The following DNAH11 variants were observed in gnomAD, a reference collection of about 807,000 sequenced individuals.
The protein encoded by DNAH11 is axonemal beta dynein heavy chain 11.
In DNAH11, 442 loss-of-function variants were observed where a neutral mutation model predicts 526.0. That is an observed-to-expected ratio of 0.84 (90% CI 0.78 to 0.91). The LOEUF (loss-of-function observed/expected upper bound fraction) is 0.91, where lower values mean the gene tolerates loss of function less well. Ranked by LOEUF, DNAH11 falls within the 40% of genes least tolerant of loss-of-function variation. The pLI, the probability that DNAH11 is intolerant of heterozygous loss-of-function variation, is 0.00. For missense variants in DNAH11, 6,989 were observed against 5,448.7 expected, an observed-to-expected ratio of 1.28 and a Z score of -8.90; for synonymous variants, 2,461 against 1,935.9, an observed-to-expected ratio of 1.27 and a Z score of -7.12.
Position 21,831,042 on chromosome 7 carries a change from C to T in DNAH11, c.10692-11502C>T, listed in dbSNP as rs117362494. On this transcript the variant is annotated intron_variant, in intron 65 of 81. Transcript: ENST00000409508. ...CGTGCCAGATTTGGAGATTCACACCCACTTGACTCTCCGTGTGATGCAGTG... is the reference window on the plus strand; with the variant it reads ...CGTGCCAGATTTGGAGATTCACACCTACTTGACTCTCCGTGTGATGCAGTG... Among the ~76,000 whole-genome samples, 1,088 of 152,286 alleles carry T rather than the reference C, an allele frequency of 7.1e-3. 13 individuals carry two copies. Among genetic ancestry groups the T allele is most frequent in the Non-Finnish European group, 8.1e-3 (552 of 68,036 alleles).
rs755442579 is a variant in DNAH11 at position 21,601,505 on chromosome 7, G to GT, written c.3536dup (p.Arg1180LysfsTer8). Reference sequence around the variant, plus strand: ...TGACATCATGGTGCATCTTCTGGCTGTAAGAAGCCGACAGAGAGCTACTGA... The same window carrying GT: ...TGACATCATGGTGCATCTTCTGGCTGTTAAGAAGCCGACAGAGAGCTACTGA... On this transcript the variant is annotated frameshift_variant, in exon 18 of 82. Transcript: ENST00000409508. LOFTEE classifies it high-confidence loss of function. 1 of 1,613,776 alleles carries GT rather than the reference G, an allele frequency of 6.2e-7. No individual in the cohort carries two copies. Among genetic ancestry groups the GT allele is most frequent in the East Asian group, 2.2e-5 (1 of 44,872 alleles).
At chr7:21,860,770 G>A (rs1307600579) in intron 68 of DNAH11, among the ~76,000 whole-genome samples, 1 of 152,178 alleles carries the variant, frequency 6.6e-6, no homozygotes, top group Non-Finnish European at 1.5e-5. Context: ...AAGAGACTGG[G>A]TGATTTATAA....
Position 21,619,205 on chromosome 7 carries a change from G to T in DNAH11, c.4360G>T (p.Glu1454Ter). The stretch of plus-strand genomic sequence containing the variant: ...AAGGATTGTGGACAAGGCGGTGAAA[G>T]AGCTGGGGACTGAGAAGGTAGTGTC... The part of the protein sequence containing the change: ...VRRIVDKAVK[E>*]LGTEKVITEI... The change falls in exon 24 of 82, where the codon GAG (glutamate) becomes TAG (stop). Residue 1454 changes from glutamate (E) to a stop codon, truncating the protein, a stop_gained. Coordinates refer to ENST00000409508, the MANE Select transcript of DNAH11 (RefSeq NM_001277115.2). LOFTEE classifies it high-confidence loss of function. The T allele has an allele frequency of 6.2e-7, 1 of 1,613,162 alleles. No homozygotes were observed.
intron 29 of DNAH11, 109 bp from the exon 30 acceptor site, chr7:21,658,689 T>C: frequency 1.2e-6 from 1 of 822,258 alleles, no homozygotes; most frequent in Non-Finnish European, 1.8e-6. Flanking sequence ...GGGTTTAAAA[T>C]GAATCCACCT....
At chr7:21,706,872 A>C (rs1353526362) in intron 39 of DNAH11, among the ~76,000 whole-genome samples, 1 of 152,166 alleles carries the variant, frequency 6.6e-6, no homozygotes, top group Non-Finnish European at 1.5e-5. Context: ...CAAAAGGGAG[A>C]GTTAGGGCAG....
At chr7:21,707,402 A>G (rs940591654) in intron 39 of DNAH11, among the ~76,000 whole-genome samples, 1 of 152,256 alleles carries the variant, frequency 6.6e-6, no homozygotes, top group Admixed American at 6.5e-5. Context: ...TTATTTATGT[A>G]TGGTCCTCCA....
rs537882955 is a variant in DNAH11 at position 21,627,537 on chromosome 7, C to T, written c.4500+7459C>T. On this transcript the variant is annotated intron_variant, in intron 25 of 81. Coordinates refer to ENST00000409508, the MANE Select transcript of DNAH11 (RefSeq NM_001277115.2). Reference sequence around the variant, plus strand: ...CAGTACCATTTATTGAAAAGACTGTCCTTTCCCCATTGTATGTTCTTGGCA... The same window carrying T: ...CAGTACCATTTATTGAAAAGACTGTTCTTTCCCCATTGTATGTTCTTGGCA... Among the ~76,000 whole-genome samples the T allele has an allele frequency of 3.2e-4, 48 of 152,236 alleles. 1 individual carries two copies. The South Asian group carries it at 9.6e-3, about 30-fold the overall frequency.
intron 14 of DNAH11, among the ~76,000 whole-genome samples, chr7:21,592,065 A>C (rs73070433): frequency 0.17 from 26,441 of 151,758 alleles, 2,328 homozygotes; most frequent in East Asian, 0.33. Flanking sequence ...ACAGAAAAAA[A>C]ACACACACAC....
At chr7:21,607,123 G>A (rs1397585414) in intron 20 of DNAH11, among the ~76,000 whole-genome samples, 2 of 152,214 alleles carry the variant, frequency 1.3e-5, no homozygotes, top group African/African-American at 2.4e-5. Context: ...TTGCGGCCTT[G>A]AGTCTGTGGC....
rs540545379 is a variant in DNAH11, at chr7:21,578,688, A to G, written c.1594-3217A>G. ...CATGAGAGCTGTGCTCCTGCAACTGACTTCTGCCTAGACATCCAGGTGTTT... is the reference window on the plus strand; with the variant it reads ...CATGAGAGCTGTGCTCCTGCAACTGGCTTCTGCCTAGACATCCAGGTGTTT... On this transcript the variant is annotated intron_variant, in intron 8 of 81. Coordinates refer to ENST00000409508, the MANE Select transcript of DNAH11 (RefSeq NM_001277115.2). Among the ~76,000 whole-genome samples the G allele has an allele frequency of 4.6e-5, 7 of 152,234 alleles. No homozygotes were observed. The South Asian group carries it at 6.2e-4, about 14-fold the overall frequency.
intron 2 of DNAH11, among the ~76,000 whole-genome samples, chr7:21,552,913 A>C (rs942210490): frequency 1.3e-5 from 2 of 151,946 alleles, no homozygotes; most frequent in African/African-American, 4.8e-5. Context: ...GTTGATACAT[A>C]CCCCTTAGAT....
chr7:21,840,163 T>A (rs994130793), intron 65 of DNAH11, among the ~76,000 whole-genome samples: 3 of 152,136 alleles, frequency 2.0e-5, no homozygotes, highest in Non-Finnish European at 4.4e-5. Context: ...TGGATATCAC[T>A]CCTCAAATTA....
At chr7:21,832,460 A>G (rs187109188) in intron 65 of DNAH11, among the ~76,000 whole-genome samples, 1 of 152,136 alleles carries the variant, frequency 6.6e-6, no homozygotes, top group Non-Finnish European at 1.5e-5. Flanking sequence ...TGCTTGGTAA[A>G]TATTCCTCCA....
Position 21,574,409 on chromosome 7 carries a change from A to G in DNAH11, c.1593+2436A>G, listed in dbSNP as rs968325765. On this transcript the variant is annotated intron_variant, in intron 8 of 81. Transcript: ENST00000409508. Reference sequence around the variant, plus strand: ...ATTATATACCTGCTTAATTTTCACTATAACCCAGAGAGTGGTCCCGCAGGC... The same window carrying G: ...ATTATATACCTGCTTAATTTTCACTGTAACCCAGAGAGTGGTCCCGCAGGC... Among the ~76,000 whole-genome samples, 20 of 152,236 alleles carry G rather than the reference A, an allele frequency of 1.3e-4. No individual in the cohort carries two copies. The East Asian group carries it at 3.5e-3, about 26-fold the overall frequency.
At chr7:21,770,491 T>C (rs923036580) in intron 55 of DNAH11, among the ~76,000 whole-genome samples, 8 of 152,192 alleles carry the variant, frequency 5.3e-5, no homozygotes, top group Non-Finnish European at 1.2e-4. Context: ...AGATTAGGGA[T>C]GCTCAACCAG....
chr7:21,651,131 T>C (rs1405455144), intron 28 of DNAH11, among the ~76,000 whole-genome samples: 1 of 152,124 alleles, frequency 6.6e-6, no homozygotes, highest in Non-Finnish European at 1.5e-5. Flanking sequence ...ATTATGAATA[T>C]TGTCATTATG....
chr7:21,547,612 A>G (rs1255919540), intron 2 of DNAH11, among the ~76,000 whole-genome samples: 1 of 152,088 alleles, frequency 6.6e-6, no homozygotes, highest in African/African-American at 2.4e-5. Context: ...TTGATTTCCC[A>G]ATAACGAAAC....
intron 30 of DNAH11, among the ~76,000 whole-genome samples, chr7:21,662,427 A>G (rs926420815): frequency 1.3e-5 from 2 of 152,132 alleles, no homozygotes; most frequent in Non-Finnish European, 2.9e-5. Flanking sequence ...ATCATTTCAA[A>G]GGAAGTTGCA....
In DNAH11 at chr7:21,880,789, C is replaced by G; in HGVS notation, c.12283C>G (p.Leu4095Val). 6.2e-7 allele frequency: 1 copy of G among 1,614,008 alleles called. No individual in the cohort carries two copies. Among genetic ancestry groups the G allele is most frequent in the Non-Finnish European group, 8.5e-7 (1 of 1,179,900 alleles). Residue 4095 changes from leucine (L) to valine (V), a missense_variant, in exon 75 of 82, where the codon CTG becomes GTG. Leu to Val is a conservative substitution (Grantham distance 32). Coordinates refer to ENST00000409508, the MANE Select transcript of DNAH11 (RefSeq NM_001277115.2). ...CYFHACVAGRLRFGPQGWSRS... is the reference protein window; with the variant it reads ...CYFHACVAGRVRFGPQGWSRS... ...CTTCCACGCCTGTGTTGCTGGGAGA[C>G]TGAGGTTTGGCCCCCAGGGCTGGAG...
Sources: gnomAD v4.1 joint callset for allele counts (sites outside exome capture counted in the v4.1 genomes callset) on GRCh38, gnomAD v4.1.1 for gene constraint, MANE v1.5 for transcripts, NCBI Gene and HGNC (gene_info 2026-07-23, HGNC 2026-07-21) for gene names.